SLIT3: variants seen among roughly 807,000 people sequenced by gnomAD.
SLIT3 encodes slit guidance ligand 3, also known as slit homolog 3 protein.
Under a neutral mutation model 184.0 loss-of-function variants are expected in SLIT3, and 68 were observed. That is an observed-to-expected ratio of 0.37 (90% CI 0.30 to 0.45). The LOEUF (loss-of-function observed/expected upper bound fraction) is 0.45. Among genes scored for constraint, SLIT3 ranks in the 20% least tolerant of loss-of-function variants. SLIT3 has a pLI of 1.00. For synonymous variants in SLIT3, 831 were observed against 828.6 expected, an observed-to-expected ratio of 1.00 and a Z score of -0.05; for missense variants, 1,707 against 2,026.0, an observed-to-expected ratio of 0.84 and a Z score of 3.02.
chr5:168,817,320 T>C lies in SLIT3; in HGVS notation c.773A>G (p.Lys258Arg), dbSNP rs1413528482. The change falls in exon 8 of 36, where the codon AAG (lysine) becomes AGG (arginine). Residue 258 changes from lysine (K) to arginine (R), a missense_variant. This residue lies in a region of SLIT3 where 1,307 missense variants were observed against 1,511.6 expected (regional missense o/e 0.86). Coordinates refer to ENST00000519560, the MANE Select transcript of SLIT3 (RefSeq NM_003062.4). Reference protein sequence around the residue: ...LRGFNVADVQKKEYVCPAPHS... With the variant: ...LRGFNVADVQRKEYVCPAPHS... ...CTCACCTGGGCACACGTACTCCTTCTTCTGCACATCCGCCACGTTGAAGCC... is the reference window on the plus strand; with the variant it reads ...CTCACCTGGGCACACGTACTCCTTCCTCTGCACATCCGCCACGTTGAAGCC... 1 of 1,614,206 alleles carries C rather than the reference T, an allele frequency of 6.2e-7. No homozygotes were observed. The highest frequency in any genetic ancestry group is 1.1e-5 in the South Asian group (1 of 91,084).
intron 10 of SLIT3, among the ~76,000 whole-genome samples, chr5:168,794,953 A>ATT (rs1756514925): frequency 1.3e-5 from 2 of 152,030 alleles, no homozygotes; most frequent in African/African-American, 4.8e-5. Flanking sequence ...TGATACTCTG[A>ATT]TTTCTGATAT....
chr5:168,783,350 G>A (rs1756038504), intron 12 of SLIT3, among the ~76,000 whole-genome samples: 2 of 152,014 alleles, frequency 1.3e-5, no homozygotes, highest in Non-Finnish European at 2.9e-5. Context: ...ACCGAGAAAA[G>A]CTCCCAGGAG....
At chr5:169,288,340 A>G (rs1270982507) in intron 1 of SLIT3, among the ~76,000 whole-genome samples, 2 of 119,954 alleles carry the variant, frequency 1.7e-5, no homozygotes, top group African/African-American at 6.3e-5. Flanking sequence ...TCTCAGATTA[A>G]TATTTCCCCC....
chr5:169,228,888 G>C (rs1764897766), intron 3 of SLIT3, among the ~76,000 whole-genome samples: 2 of 152,110 alleles, frequency 1.3e-5, no homozygotes, highest in African/African-American at 4.8e-5. Context: ...AACTGCTTTG[G>C]CCAGAAATCA....
At chr5:168,892,031 T>G (rs1387962983) in intron 4 of SLIT3, among the ~76,000 whole-genome samples, 2 of 152,204 alleles carry the variant, frequency 1.3e-5, no homozygotes, top group Non-Finnish European at 2.9e-5. Flanking sequence ...CCAGTGAGGA[T>G]GCAGAGACTG....
intron 4 of SLIT3, among the ~76,000 whole-genome samples, chr5:169,176,802 G>A (rs1433576581): frequency 6.6e-6 from 1 of 152,154 alleles, no homozygotes; most frequent in Non-Finnish European, 1.5e-5. Flanking sequence ...TGGCTCACAG[G>A]CTGTAGTCTG....
chr5:169,041,119 T>C (rs1757434253), intron 4 of SLIT3, among the ~76,000 whole-genome samples: 1 of 152,264 alleles, frequency 6.6e-6, no homozygotes, highest in Non-Finnish European at 1.5e-5. Context: ...AGAAGTACAA[T>C]ATCATTCAAA....
chr5:168,774,454 G>A lies in SLIT3; in HGVS notation c.1152-76C>T, dbSNP rs6875422. Reference sequence around the variant, plus strand: ...CGGGGCAAGGGTTGCACCTGCAGGGGATGGGCTGCAAAGCTCCCATCACTC... The same window carrying A: ...CGGGGCAAGGGTTGCACCTGCAGGGAATGGGCTGCAAAGCTCCCATCACTC... On this transcript the variant is annotated intron_variant, in intron 12 of 35. Coordinates refer to ENST00000519560, the MANE Select transcript of SLIT3 (RefSeq NM_003062.4). 7.7e-4 allele frequency: 1,113 copies of A among 1,447,458 alleles called. 5 individuals are homozygous for A. The African/African-American group carries it at 0.015, about 19-fold the overall frequency. The allele number at this position is 1,447,458 out of a possible 1,614,324, so 89.7% of individuals were successfully genotyped here.
intron 4 of SLIT3, among the ~76,000 whole-genome samples, chr5:169,009,066 T>C (rs1756041199): frequency 6.6e-6 from 1 of 151,300 alleles, no homozygotes; most frequent in African/African-American, 2.4e-5. Flanking sequence ...CAAGGTAACA[T>C]TTCAATATGA....
At chr5:168,891,661 C>T (rs546238977) in intron 4 of SLIT3, among the ~76,000 whole-genome samples, 19 of 152,152 alleles carry the variant, frequency 1.2e-4, no homozygotes, top group Admixed American at 1.3e-4. Context: ...AGATAAGATG[C>T]TTGGTCCCAG....
chr5:168,770,122 G>A (rs1755495650), intron 14 of SLIT3, among the ~76,000 whole-genome samples: 1 of 152,192 alleles, frequency 6.6e-6, no homozygotes, highest in Non-Finnish European at 1.5e-5. Flanking sequence ...TGGGGTCCCA[G>A]GCAGCCAGAC....
chr5:169,145,623 T>A (rs1027543548), intron 4 of SLIT3, among the ~76,000 whole-genome samples: 1 of 152,212 alleles, frequency 6.6e-6, no homozygotes, highest in Non-Finnish European at 1.5e-5. Context: ...CAGAGAGGGA[T>A]GCTCTGTATG....
At chr5:169,025,235 C>T (rs1288268671) in intron 4 of SLIT3, among the ~76,000 whole-genome samples, 1 of 152,104 alleles carries the variant, frequency 6.6e-6, no homozygotes, top group Non-Finnish European at 1.5e-5. Context: ...ATTTTAAAGA[C>T]ACTATTATTC....
chr5:168,998,445 C>T (rs1210125310), intron 4 of SLIT3, among the ~76,000 whole-genome samples: 2 of 152,122 alleles, frequency 1.3e-5, no homozygotes, highest in Non-Finnish European at 2.9e-5. Context: ...GTGGCTCAGG[C>T]CTATAATCCC....
intron 4 of SLIT3, among the ~76,000 whole-genome samples, chr5:168,939,998 T>C (rs370634635): frequency 2.6e-4 from 40 of 152,314 alleles, no homozygotes; most frequent in African/African-American, 9.1e-4. Context: ...AGAGATGGGA[T>C]TGAATTGAAC....
intron 3 of SLIT3, among the ~76,000 whole-genome samples, chr5:169,235,245 T>C (rs1487882359): frequency 6.6e-6 from 1 of 152,208 alleles, no homozygotes; most frequent in Non-Finnish European, 1.5e-5. Context: ...GAATACTCTT[T>C]CCATCTTCTA....
At chr5:169,002,282 C>T (rs1294217706) in intron 4 of SLIT3, among the ~76,000 whole-genome samples, 3 of 127,996 alleles carry the variant, frequency 2.3e-5, no homozygotes, top group Non-Finnish European at 4.7e-5. Flanking sequence ...GGATGCACTC[C>T]ACTGCACTCC....
At chr5:169,031,269 A>C (rs573230547) in intron 4 of SLIT3, among the ~76,000 whole-genome samples, 2 of 152,262 alleles carry the variant, frequency 1.3e-5, no homozygotes, top group South Asian at 4.2e-4. Flanking sequence ...TCTGTTCATT[A>C]ATTCAACAAA....
At chr5:169,255,808 G>A (rs904955544) in intron 1 of SLIT3, among the ~76,000 whole-genome samples, 3 of 152,076 alleles carry the variant, frequency 2.0e-5, no homozygotes, top group Admixed American at 6.6e-5. Flanking sequence ...GTGTGAACCC[G>A]GGAGGCAGAG....
Sources: allele counts gnomAD v4.1 joint callset (sites outside exome capture counted in the v4.1 genomes callset), GRCh38; gene constraint gnomAD v4.1.1; regional missense constraint gnomAD v4.1.1; transcripts MANE v1.5; gene names NCBI Gene and HGNC (gene_info 2026-07-23, HGNC 2026-07-21).